The following C12orf42 variants were observed in gnomAD, a reference collection of about 807,000 sequenced individuals.
C12orf42 encodes chromosome 12 open reading frame 42.
Under a neutral mutation model 21.6 loss-of-function variants are expected in C12orf42, and 25 were observed. That is an observed-to-expected ratio of 1.16 (90% CI 0.84 to 1.62). The LOEUF is 1.62. Ranked by LOEUF, C12orf42 falls within the 40% of genes most tolerant of loss-of-function variation. The probability of loss-of-function intolerance (pLI) is 0.00; values close to 1 mark genes in which losing one functional copy is unlikely to be tolerated. For synonymous variants in C12orf42, 174 were observed against 175.0 expected, an observed-to-expected ratio of 0.99 and a Z score of 0.05; for missense variants, 483 against 459.3, an observed-to-expected ratio of 1.05 and a Z score of -0.47.
At chr12:103,548,349 T>C in the C12orf42 span, among the ~76,000 whole-genome samples, 1 of 152,246 alleles carries the variant, frequency 6.6e-6, no homozygotes, top group Non-Finnish European at 1.5e-5. Context: ...ACTGTCAATA[T>C]TTGCTCAGTT....
intron 2 of C12orf42, among the ~76,000 whole-genome samples, chr12:103,424,926 A>G (rs941014542): frequency 1.3e-5 from 2 of 152,212 alleles, no homozygotes; most frequent in Non-Finnish European, 2.9e-5. Flanking sequence ...CAGCAAGCTA[A>G]GATCCACTGG....
intron 3 of C12orf42, among the ~76,000 whole-genome samples, chr12:103,394,827 G>A (rs1170653399): frequency 6.6e-6 from 1 of 152,168 alleles, no homozygotes. Context: ...ATTCCATCCA[G>A]TGTGGGGCTA....
intron 3 of C12orf42, among the ~76,000 whole-genome samples, chr12:103,381,067 C>G (rs2046119276): frequency 6.6e-6 from 1 of 152,190 alleles, no homozygotes; most frequent in African/African-American, 2.4e-5. Context: ...TCTCGAGCTG[C>G]TTGTATTACA....
the C12orf42 span, among the ~76,000 whole-genome samples, chr12:103,226,624 G>C: frequency 6.6e-6 from 1 of 152,184 alleles, no homozygotes; most frequent in African/African-American, 2.4e-5. Context: ...GTCACGGAAA[G>C]AAACTGTAAG....
the C12orf42 span, among the ~76,000 whole-genome samples, chr12:103,513,270 T>C: frequency 6.6e-6 from 1 of 152,104 alleles, no homozygotes; most frequent in African/African-American, 2.4e-5. Flanking sequence ...TAGGATTTGC[T>C]GGTAGAAGGA....
chr12:103,101,689 CT>C, the C12orf42 span, among the ~76,000 whole-genome samples: 1 of 152,190 alleles, frequency 6.6e-6, no homozygotes, highest in East Asian at 1.9e-4. Context: ...TAAAAGTCAG[CT>C]TTTGTTGTAT....
intron 3 of C12orf42, among the ~76,000 whole-genome samples, chr12:103,376,416 G>A (rs1361105967): frequency 6.6e-6 from 1 of 152,112 alleles, no homozygotes; most frequent in South Asian, 2.1e-4. Context: ...AGGGGTGGGG[G>A]GCAAGGGGAA....
the C12orf42 span, among the ~76,000 whole-genome samples, chr12:103,554,943 T>C: frequency 4.6e-5 from 7 of 152,094 alleles, no homozygotes; most frequent in East Asian, 1.2e-3. Context: ...GAAATATCCT[T>C]AGGGGATCTG....
intron 4 of C12orf42, among the ~76,000 whole-genome samples, chr12:103,368,354 G>A (rs2044829865): frequency 6.8e-6 from 1 of 147,114 alleles, no homozygotes; most frequent in Admixed American, 6.7e-5. Flanking sequence ...CACATTTTGT[G>A]TAATTTAAGT....
chr12:103,280,685 A>G (rs2036060386), intron 4 of C12orf42, among the ~76,000 whole-genome samples: 1 of 152,202 alleles, frequency 6.6e-6, no homozygotes, highest in South Asian at 2.1e-4. Context: ...CAATAAATAA[A>G]TAATACTAGT....
chr12:103,484,557 G>A (rs1037710668), intron 1 of C12orf42, among the ~76,000 whole-genome samples: 10 of 151,968 alleles, frequency 6.6e-5, no homozygotes, highest in Admixed American at 3.9e-4. Context: ...CTGGATATTA[G>A]CCCCTTGTCA....
the C12orf42 span, among the ~76,000 whole-genome samples, chr12:103,100,951 G>A: frequency 7.2e-5 from 11 of 152,180 alleles, no homozygotes; most frequent in African/African-American, 9.6e-5. Flanking sequence ...CATTCAAAAA[G>A]TCTTCTGGGA....
chr12:103,122,915 G>A, the C12orf42 span, among the ~76,000 whole-genome samples: 17 of 152,034 alleles, frequency 1.1e-4, no homozygotes, highest in African/African-American at 3.9e-4. Context: ...TATATGAAGA[G>A]GGCCAAGGGT....
chr12:103,380,793 C>G (rs1381879592), intron 3 of C12orf42, among the ~76,000 whole-genome samples: 1 of 152,158 alleles, frequency 6.6e-6, no homozygotes, highest in East Asian at 1.9e-4. Context: ...GTTCTAAACA[C>G]TTTAGACATT....
chr12:103,339,810 T>C (rs919808169), intron 4 of C12orf42, among the ~76,000 whole-genome samples: 13 of 152,234 alleles, frequency 8.5e-5, no homozygotes, highest in African/African-American at 3.1e-4. Context: ...AACAAGATCA[T>C]AGCATTTTGG....
the C12orf42 span, among the ~76,000 whole-genome samples, chr12:103,532,975 T>C: frequency 1.3e-5 from 2 of 152,180 alleles, no homozygotes; most frequent in African/African-American, 4.8e-5. Context: ...CTGGCATGAC[T>C]GGAACCAATG....
intron 3 of C12orf42, among the ~76,000 whole-genome samples, chr12:103,382,209 T>C (rs1313538929): frequency 6.6e-6 from 1 of 152,214 alleles, no homozygotes; most frequent in African/African-American, 2.4e-5. Flanking sequence ...TTAGTAATTC[T>C]CTTTCTACTT....
At chr12:103,415,894 C>A (rs917884567) in intron 2 of C12orf42, among the ~76,000 whole-genome samples, 29 of 152,096 alleles carry the variant, frequency 1.9e-4, no homozygotes, top group African/African-American at 6.0e-4. Flanking sequence ...GATAAAGTGC[C>A]AAATTTTATT....
At chr12:103,275,323 A>G (rs1356668911) in intron 5 of C12orf42, among the ~76,000 whole-genome samples, 5 of 152,182 alleles carry the variant, frequency 3.3e-5, no homozygotes, top group African/African-American at 7.2e-5. Context: ...GAACAGCCAT[A>G]TACCAATAAT....
Sources: gnomAD v4.1 joint callset for allele counts (sites outside exome capture counted in the v4.1 genomes callset) on GRCh38, gnomAD v4.1.1 for gene constraint, MANE v1.5 for transcripts, NCBI Gene and HGNC (gene_info 2026-07-23, HGNC 2026-07-21) for gene names.